Variants in CADM2 observed in about 807,000 individuals in gnomAD.
The protein encoded by CADM2 is cell adhesion molecule 2, also known as immunoglobulin superfamily member 4D.
Under a neutral mutation model 49.8 loss-of-function variants are expected in CADM2, and 12 were observed. That is an observed-to-expected ratio of 0.24 (90% confidence interval 0.15 to 0.39). CADM2 has a LOEUF of 0.39. Ranked by LOEUF, CADM2 falls within the 10% of genes least tolerant of loss-of-function variation. The pLI, the probability that CADM2 is intolerant of heterozygous loss-of-function variation, is 1.00. For missense variants in CADM2, 378 were observed against 492.3 expected, an observed-to-expected ratio of 0.77 and a Z score of 2.20; for synonymous variants, 214 against 175.4, an observed-to-expected ratio of 1.22 and a Z score of -1.74.
rs1016697003 is a variant in CADM2 at position 85,444,520 on chromosome 3, T to A, written c.62-282002T>A. Among the ~76,000 whole-genome samples, 7 of 151,922 alleles carry A rather than the reference T, an allele frequency of 4.6e-5. No homozygotes were observed. In the East Asian group the frequency reaches 9.7e-4, roughly 21 times the overall value. On this transcript the variant is annotated intron_variant, in intron 1 of 9. Coordinates refer to ENST00000383699, the MANE Select transcript of CADM2 (RefSeq NM_001167675.2). ...TGTTCTCTCCACATTTGGAATAAAG[T>A]TCTCTGAGATATCCCCATAGATCAC...
chr3:85,350,197 C>T (rs552576127), intron 1 of CADM2, among the ~76,000 whole-genome samples: 1 of 152,118 alleles, frequency 6.6e-6, no homozygotes, highest in East Asian at 1.9e-4. Context: ...GTTTTGGTTA[C>T]CAAATAATAT....
intron 1 of CADM2, among the ~76,000 whole-genome samples, chr3:85,076,446 G>C (rs1575816280): frequency 1.3e-5 from 2 of 151,818 alleles, no homozygotes; most frequent in African/African-American, 4.8e-5. Context: ...CTCCAGAGTT[G>C]AAGCCATTCT....
chr3:86,047,452 T>C (rs1221650925), intron 8 of CADM2, among the ~76,000 whole-genome samples: 1 of 152,162 alleles, frequency 6.6e-6, no homozygotes, highest in Admixed American at 6.5e-5. Flanking sequence ...TCCTTATTAA[T>C]GTCTCCAGAG....
intron 1 of CADM2, among the ~76,000 whole-genome samples, chr3:85,099,549 A>C (rs929160760): frequency 1.3e-5 from 2 of 151,008 alleles, no homozygotes; most frequent in South Asian, 4.2e-4. Context: ...TGCTCACTGC[A>C]ACTTCCATCT....
intron 1 of CADM2, among the ~76,000 whole-genome samples, chr3:85,666,476 T>C (rs1403752840): frequency 6.6e-6 from 1 of 151,824 alleles, no homozygotes; most frequent in Non-Finnish European, 1.5e-5. Context: ...GAGACCTCTG[T>C]AACAAAAGAG....
At chr3:86,053,511 C>A (rs1737570989) in intron 8 of CADM2, among the ~76,000 whole-genome samples, 1 of 152,116 alleles carries the variant, frequency 6.6e-6, no homozygotes, top group East Asian at 1.9e-4. Flanking sequence ...GCACAGAGAA[C>A]AAAGAATCTC....
chr3:85,663,758 T>G (rs2065479899), intron 1 of CADM2, among the ~76,000 whole-genome samples: 1 of 152,024 alleles, frequency 6.6e-6, no homozygotes, highest in Non-Finnish European at 1.5e-5. Flanking sequence ...AAATTATGAT[T>G]GAATCCACTT....
At chr3:85,829,889 A>C (rs1463060762) in intron 3 of CADM2, among the ~76,000 whole-genome samples, 2 of 151,816 alleles carry the variant, frequency 1.3e-5, no homozygotes, top group East Asian at 3.9e-4. Context: ...TATATACCAC[A>C]TTTTCTTTTC....
At chr3:85,635,015 C>G (rs4361288) in intron 1 of CADM2, among the ~76,000 whole-genome samples, 49,072 of 151,814 alleles carry the variant, frequency 0.32, 8,782 homozygotes, top group African/African-American at 0.48. Context: ...TGCTGTTAAA[C>G]CAAATTATTT....
At chr3:85,683,693 A>C (rs1047823147) in intron 1 of CADM2, among the ~76,000 whole-genome samples, 1 of 152,202 alleles carries the variant, frequency 6.6e-6, no homozygotes, top group Non-Finnish European at 1.5e-5. Context: ...TAATGAACCT[A>C]GCTAGTACAA....
chr3:85,487,278 C>T (rs188086411), intron 1 of CADM2, among the ~76,000 whole-genome samples: 6 of 152,138 alleles, frequency 3.9e-5, no homozygotes, highest in Non-Finnish European at 8.8e-5. Context: ...ACTTTGGAGG[C>T]CAAGGTGGGA....
intron 1 of CADM2, among the ~76,000 whole-genome samples, chr3:84,991,500 A>C (rs926598486): frequency 6.6e-6 from 1 of 152,176 alleles, no homozygotes; most frequent in African/African-American, 2.4e-5. Flanking sequence ...AACAAATCCT[A>C]GGAAAAAAAC....
chr3:85,759,092 G>T (rs1437310837), intron 2 of CADM2, among the ~76,000 whole-genome samples: 1 of 151,932 alleles, frequency 6.6e-6, no homozygotes, highest in Non-Finnish European at 1.5e-5. Context: ...ATCAAACAGA[G>T]GCTGATTTCA....
chr3:85,931,989 A>T (rs1720662742), intron 6 of CADM2, among the ~76,000 whole-genome samples: 1 of 151,660 alleles, frequency 6.6e-6, no homozygotes, highest in Admixed American at 6.6e-5. Context: ...TAGTAAGTTG[A>T]TGTGATCAGA....
chr3:85,190,470 A>G (rs1397798841), intron 1 of CADM2, among the ~76,000 whole-genome samples: 6 of 152,090 alleles, frequency 3.9e-5, no homozygotes, highest in Non-Finnish European at 7.4e-5. Flanking sequence ...TCTTGGCCAT[A>G]TGAGAAGTAT....
At chr3:86,052,091 TTAAA>T (rs1267288646) in intron 8 of CADM2, among the ~76,000 whole-genome samples, 166 of 152,258 alleles carry the variant, frequency 1.1e-3, no homozygotes, top group African/African-American at 2.9e-3. Context: ...GAGAAAAGAA[TTAAA>T]TAAACACAAT....
At chr3:85,737,940 C>T (rs1243799274) in intron 2 of CADM2, among the ~76,000 whole-genome samples, 6 of 152,248 alleles carry the variant, frequency 3.9e-5, no homozygotes, top group African/African-American at 1.4e-4. Flanking sequence ...CAAAACGTTT[C>T]CGTGTAATCT....
chr3:85,014,567 C>T (rs1381801197), intron 1 of CADM2, among the ~76,000 whole-genome samples: 7 of 152,070 alleles, frequency 4.6e-5, no homozygotes, highest in Admixed American at 6.6e-5. Flanking sequence ...TGAGAGGAGA[C>T]TAGTGTACCC....
chr3:85,564,076 T>A (rs4856594), intron 1 of CADM2, among the ~76,000 whole-genome samples: 30,246 of 152,010 alleles, frequency 0.2, 3,787 homozygotes, highest in East Asian at 0.3. Context: ...GTGTCAGTTG[T>A]CCCTATTCAT....
Sources: allele counts gnomAD v4.1 joint callset (sites outside exome capture counted in the v4.1 genomes callset), GRCh38; gene constraint gnomAD v4.1.1; transcripts MANE v1.5; gene names NCBI Gene and HGNC (gene_info 2026-07-23, HGNC 2026-07-21).